The following CFAP92 variants were observed in gnomAD, a reference collection of about 807,000 sequenced individuals.
The protein encoded by CFAP92 is uncharacterized protein CFAP92.
A neutral mutation model predicts 106.3 loss-of-function variants in CFAP92; 86 were observed. That is an observed-to-expected ratio of 0.81 (90% CI 0.68 to 0.97). The LOEUF (loss-of-function observed/expected upper bound fraction) is 0.97. CFAP92 is among the 50% of genes least tolerant of loss of function. The pLI, the probability that CFAP92 is intolerant of heterozygous loss-of-function variation, is 0.00. For missense variants in CFAP92, 1,204 were observed against 1,283.8 expected (o/e 0.94, Z 0.95); for synonymous variants, 477 against 506.4 (o/e 0.94, Z 0.78).
intron 12 of CFAP92, among the ~76,000 whole-genome samples, chr3:128,922,014 C>T (rs1050079843): frequency 8.6e-5 from 13 of 151,962 alleles, no homozygotes; most frequent in South Asian, 4.2e-4. Flanking sequence ...TCAGTGCATA[C>T]GGGAATAATT....
At chr3:129,004,223 C>T (rs1026779822), upstream of CFAP92, 18 of 1,109,692 alleles carry the variant, frequency 1.6e-5, no homozygotes, top group Non-Finnish European at 2.0e-5. Context: ...ATTCCTTTGT[C>T]AGTTCTCCAT....
the CFAP92 span, among the ~76,000 whole-genome samples, chr3:129,022,257 C>G: frequency 6.6e-6 from 1 of 152,210 alleles, no homozygotes; most frequent in Non-Finnish European, 1.5e-5. Flanking sequence ...GAGTCCCCAG[C>G]AGTGTTGACT....
upstream of CFAP92, among the ~76,000 whole-genome samples, chr3:129,005,195 G>A (rs1945015980): frequency 6.6e-6 from 1 of 152,246 alleles, no homozygotes; most frequent in Non-Finnish European, 1.5e-5. Flanking sequence ...CTGTGAGCAG[G>A]TGAGACCTTC....
At chr3:128,925,587 A>C (rs1937591835) in intron 12 of CFAP92, among the ~76,000 whole-genome samples, 1 of 152,194 alleles carries the variant, frequency 6.6e-6, no homozygotes, top group African/African-American at 2.4e-5. Context: ...GAAAATATCT[A>C]ACATTGGAGT....
chr3:128,952,935 T>C (rs1940954170), intron 9 of CFAP92, among the ~76,000 whole-genome samples: 1 of 151,674 alleles, frequency 6.6e-6, no homozygotes, highest in Non-Finnish European at 1.5e-5. Flanking sequence ...ATACAAAAAT[T>C]AGCCAGGCAT....
At chr3:129,019,517 C>T in the CFAP92 span, among the ~76,000 whole-genome samples, 1 of 152,196 alleles carries the variant, frequency 6.6e-6, no homozygotes, top group African/African-American at 2.4e-5. Context: ...TAAACAGTCA[C>T]ATTCTAGATT....
intron 12 of CFAP92, among the ~76,000 whole-genome samples, chr3:128,926,028 T>G (rs1937618272): frequency 1.3e-5 from 2 of 152,174 alleles, no homozygotes; most frequent in Non-Finnish European, 2.9e-5. Flanking sequence ...AGTCACAGAC[T>G]GGGAAAAGAT....
chr3:128,993,160 C>T lies in CFAP92; in HGVS notation c.145G>A (p.Asp49Asn). 1.2e-6 allele frequency: 2 copies of T among 1,614,090 alleles called. No homozygotes were observed. Among genetic ancestry groups the T allele is most frequent in the Non-Finnish European group, 1.7e-6 (2 of 1,179,902 alleles). ...GACTCGATGCTGCTGCACGGGCGGT[C>T]AGAGTCAGACTCCTGGGCCCTGGCC... The part of the protein sequence containing the change: ...AKARAQESDS[D>N]RPCSSIESSS... Residue 49 changes from aspartate to asparagine, a missense_variant, in exon 2 of 16, where the codon GAC (aspartate) becomes AAC (asparagine). Transcript: ENST00000645291.
intron 2 of CFAP92, 32 bp from the exon 3 acceptor site, chr3:128,988,950 T>A: frequency 6.4e-7 from 1 of 1,555,260 alleles, no homozygotes; most frequent in Admixed American, 1.8e-5. Context: ...AGTCTCGTTT[T>A]AACCTCATGT....
chr3:128,934,786 C>T (rs2107709737), intron 11 of CFAP92, among the ~76,000 whole-genome samples: 1 of 152,350 alleles, frequency 6.6e-6, no homozygotes, highest in South Asian at 2.1e-4. Flanking sequence ...CCACCTCAGC[C>T]TCCCAAAGTG....
At chr3:128,957,732 C>G (rs1354940600) in intron 9 of CFAP92, among the ~76,000 whole-genome samples, 9 of 152,114 alleles carry the variant, frequency 5.9e-5, no homozygotes, top group Non-Finnish European at 1.5e-5. Context: ...ACATGCAAGG[C>G]CATTATCCTG....
chr3:128,961,760 C>T (rs1235765823), intron 9 of CFAP92, among the ~76,000 whole-genome samples: 2 of 152,236 alleles, frequency 1.3e-5, no homozygotes, highest in Non-Finnish European at 2.9e-5. Context: ...CTGCTCCCGA[C>T]ATTAAATAAA....
At chr3:129,006,810 CG>C (rs928454310), upstream of CFAP92, among the ~76,000 whole-genome samples, 3 of 152,202 alleles carry the variant, frequency 2.0e-5, no homozygotes, top group Admixed American at 6.5e-5. Flanking sequence ...CTACCTTGCC[CG>C]GGGGGCTGAC....
At position 128,965,830 on chromosome 3, in the gene CFAP92, A is replaced by G. The variant is rs370540682; in HGVS notation, c.1169-135T>C. On this transcript the variant is annotated intron_variant, in intron 8 of 15. Coordinates refer to ENST00000645291, the MANE Select transcript of CFAP92 (RefSeq NM_001394090.1). Reference sequence around the variant, plus strand: ...TGAAAACTTTAATTAAAAAAAAAAAAGAAAAGAAAGAATTGGGAAACACCC... The same window carrying G: ...TGAAAACTTTAATTAAAAAAAAAAAGGAAAAGAAAGAATTGGGAAACACCC... 308 of 391,888 alleles carry G rather than the reference A, an allele frequency of 7.9e-4. 1 individual carries two copies. The highest frequency in any genetic ancestry group is 5.6e-3 in the African/African-American group (274 of 48,540). 24.3% of individuals were successfully genotyped at this position (391,888 alleles called of 1,614,324 possible). A position where few individuals can be genotyped will look rare whatever the true frequency, so the allele number is the denominator to read the frequency against.
intron 12 of CFAP92, among the ~76,000 whole-genome samples, chr3:128,925,563 A>T (rs1937590169): frequency 6.6e-6 from 1 of 152,228 alleles, no homozygotes; most frequent in Admixed American, 6.5e-5. Flanking sequence ...GTAATATCAG[A>T]TGCAGATCAT....
chr3:128,956,196 T>TAAAAAAAAATAAAAAAAAAAAAA (rs1941373957), intron 9 of CFAP92, among the ~76,000 whole-genome samples: 3 of 61,718 alleles, frequency 4.9e-5, no homozygotes, highest in African/African-American at 9.2e-5. Flanking sequence ...AAAAAAAAAA[T>TAAAAAAAAATAAAAAAAAAAAAA]AAAAAAAAAA....
chr3:129,004,012 G>T, upstream of CFAP92: 1 of 1,507,208 alleles, frequency 6.6e-7, no homozygotes. Flanking sequence ...TGGAGGCGCT[G>T]GCGCAACAGG....
At chr3:128,936,304 G>A (rs73210621) in intron 10 of CFAP92, among the ~76,000 whole-genome samples, 6,310 of 152,266 alleles carry the variant, frequency 0.041, 170 homozygotes, top group Non-Finnish European at 0.058. Context: ...TGGGTATTTT[G>A]CCCATACTTT....
At chr3:128,947,264 G>A (rs897607404) in intron 9 of CFAP92, among the ~76,000 whole-genome samples, 7 of 151,934 alleles carry the variant, frequency 4.6e-5, no homozygotes, top group South Asian at 2.1e-4. Context: ...ATGGAGAGAT[G>A]TACTATATAC....
Sources: gnomAD v4.1 joint callset for allele counts (sites outside exome capture counted in the v4.1 genomes callset) on GRCh38, gnomAD v4.1.1 for gene constraint, MANE v1.5 for transcripts, NCBI Gene and HGNC (gene_info 2026-07-23, HGNC 2026-07-21) for gene names.